CIRSR: variants seen among roughly 807,000 people sequenced by gnomAD.
CIRSR encodes the protein CBF1 (RBPJ) interacting corepressor 1.
chr2:174,377,636 G>A, the CIRSR span, among the ~76,000 whole-genome samples: 1 of 151,576 alleles, frequency 6.6e-6, no homozygotes, highest in Non-Finnish European at 1.5e-5. Flanking sequence ...TAGGCAACAT[G>A]GCAAAACCCT....
At chr2:174,369,989 G>A in the CIRSR span, 1 of 1,365,286 alleles carries the variant, frequency 7.3e-7, no homozygotes, top group African/African-American at 1.5e-5. Context: ...AGGCTTACCA[G>A]AAACCTTCAA....
the CIRSR span, among the ~76,000 whole-genome samples, chr2:174,374,194 T>A: frequency 6.6e-6 from 1 of 152,228 alleles, no homozygotes; most frequent in South Asian, 2.1e-4. Context: ...CCAAGTTAAA[T>A]CTTCTGTGCT....
chr2:174,382,934 A>C, the CIRSR span, among the ~76,000 whole-genome samples: 1 of 152,236 alleles, frequency 6.6e-6, no homozygotes, highest in African/African-American at 2.4e-5. Context: ...ATCACAAAGG[A>C]TATATGACAT....
At chr2:174,368,218 A>G in the CIRSR span, among the ~76,000 whole-genome samples, 1 of 142,884 alleles carries the variant, frequency 7.0e-6, no homozygotes, top group African/African-American at 2.5e-5. Context: ...CCATCCATCA[A>G]CTGGATGTAC....
At chr2:174,353,434 A>T in the CIRSR span, among the ~76,000 whole-genome samples, 1 of 152,208 alleles carries the variant, frequency 6.6e-6, no homozygotes, top group African/African-American at 2.4e-5. Flanking sequence ...GGTTGCCTCT[A>T]AATGGCATAG....
At chr2:174,392,224 T>C in the CIRSR span, among the ~76,000 whole-genome samples, 5 of 152,304 alleles carry the variant, frequency 3.3e-5, no homozygotes, top group East Asian at 1.9e-4. Context: ...CTTGAATTCC[T>C]GACCTCGGGT....
the CIRSR span, among the ~76,000 whole-genome samples, chr2:174,394,734 T>C: frequency 6.6e-6 from 1 of 152,134 alleles, no homozygotes; most frequent in African/African-American, 2.4e-5. Flanking sequence ...CTCAACTCGT[T>C]CTAAAAACAA....
At chr2:174,385,821 A>T in the CIRSR span, among the ~76,000 whole-genome samples, 2 of 152,324 alleles carry the variant, frequency 1.3e-5, no homozygotes, top group African/African-American at 4.8e-5. Flanking sequence ...AGATAAGGGA[A>T]ATTCTTCCTT....
At chr2:174,386,691 G>A in the CIRSR span, among the ~76,000 whole-genome samples, 6 of 152,046 alleles carry the variant, frequency 3.9e-5, no homozygotes, top group African/African-American at 7.2e-5. Flanking sequence ...CAGGGAGGGC[G>A]CAAAAAACGG....
the CIRSR span, chr2:174,380,882 T>A: frequency 1.6e-6 from 2 of 1,252,226 alleles, no homozygotes; most frequent in Admixed American, 2.0e-5. Flanking sequence ...TATAAAAATC[T>A]ACTGTATACA....
the CIRSR span, among the ~76,000 whole-genome samples, chr2:174,373,303 A>G: frequency 6.6e-6 from 1 of 150,902 alleles, no homozygotes; most frequent in African/African-American, 2.4e-5. Context: ...ATTCTATAAG[A>G]CTGAGACAAA....
chr2:174,371,012 A>G, the CIRSR span, among the ~76,000 whole-genome samples: 521 of 152,304 alleles, frequency 3.4e-3, 2 homozygotes, highest in African/African-American at 0.012. Context: ...TCAAAGGCAA[A>G]GAAAATGGTA....
At chr2:174,362,210 G>A in the CIRSR span, among the ~76,000 whole-genome samples, 1 of 152,176 alleles carries the variant, frequency 6.6e-6, no homozygotes, top group Non-Finnish European at 1.5e-5. Context: ...GAAGGCTGAG[G>A]TGGGAGGATT....
At chr2:174,381,857 AG>A in the CIRSR span, 5 of 908,330 alleles carry the variant, frequency 5.5e-6, no homozygotes, top group Admixed American at 1.3e-4. Flanking sequence ...CCCACCAAAA[AG>A]CCTAAGGGAA....
At chr2:174,370,776 T>C in the CIRSR span, among the ~76,000 whole-genome samples, 2 of 151,960 alleles carry the variant, frequency 1.3e-5, no homozygotes, top group African/African-American at 2.4e-5. Flanking sequence ...CCAGGTGTGG[T>C]GGCAGGCGCC....
At chr2:174,392,915 G>A in the CIRSR span, among the ~76,000 whole-genome samples, 1,302 of 152,298 alleles carry the variant, frequency 8.5e-3, 21 homozygotes, top group African/African-American at 0.029. Flanking sequence ...TGAGTCATGA[G>A]TAAACAGGCT....
chr2:174,357,348 A>G, the CIRSR span, among the ~76,000 whole-genome samples: 7,456 of 152,254 alleles, frequency 0.049, 213 homozygotes, highest in Middle Eastern at 0.14. Flanking sequence ...CAAGTTTTGT[A>G]AAGTTTGGAT....
the CIRSR span, among the ~76,000 whole-genome samples, chr2:174,390,196 G>A: frequency 6.6e-6 from 1 of 152,356 alleles, no homozygotes; most frequent in South Asian, 2.1e-4. Flanking sequence ...AAGCATCCAG[G>A]AGAGGGGTTA....
the CIRSR span, chr2:174,387,564 A>G: frequency 9.3e-7 from 1 of 1,076,172 alleles, no homozygotes. Flanking sequence ...CCTCACGGAA[A>G]GACACGAATC....
Sources: gnomAD v4.1 joint callset for allele counts (sites outside exome capture counted in the v4.1 genomes callset) on GRCh38, gnomAD v4.1.1 for gene constraint, MANE v1.5 for transcripts, NCBI Gene and HGNC (gene_info 2026-07-23, HGNC 2026-07-21) for gene names.